Variants in PSIP1 observed in about 807,000 individuals in gnomAD.
The protein encoded by PSIP1 is PC4 and SFRS1-interacting protein.
PSIP1 carries 19 observed loss-of-function variants against 74.7 expected under a neutral mutation model. The ratio of observed to expected loss-of-function variants is 0.25; its 90% CI spans 0.18 to 0.37. The LOEUF (loss-of-function observed/expected upper bound fraction) is 0.37, where lower values mean the gene tolerates loss of function less well. PSIP1 is among the 10% of genes least tolerant of loss of function. The probability of loss-of-function intolerance (pLI) is 1.00; values close to 1 mark genes in which losing one functional copy is unlikely to be tolerated. For synonymous variants in PSIP1, 222 were observed against 195.3 expected, an observed-to-expected ratio of 1.14 and a Z score of -1.14; for missense variants, 601 against 614.3, an observed-to-expected ratio of 0.98 and a Z score of 0.23.
chr9:15,486,337 G>C (rs1448742283), intron 5 of PSIP1, among the ~76,000 whole-genome samples: 1 of 152,136 alleles, frequency 6.6e-6, no homozygotes, highest in Non-Finnish European at 1.5e-5. Context: ...TTCTACACTA[G>C]AATTCTGAAT....
At chr9:15,501,832 T>G (rs1038904158) in intron 3 of PSIP1, among the ~76,000 whole-genome samples, 2 of 114,138 alleles carry the variant, frequency 1.8e-5, no homozygotes, top group African/African-American at 6.8e-5. Context: ...GTCCCTTATA[T>G]AAAACAGCAT....
Position 15,466,846 on chromosome 9 carries a change from T to A in PSIP1, c.1434A>T (p.Leu478=), listed in dbSNP as rs2035657658. 1 of 1,612,628 alleles carries A rather than the reference T, an allele frequency of 6.2e-7. No homozygotes were observed. The highest frequency in any genetic ancestry group is 1.7e-5 in the Admixed American group (1 of 59,674). ...LEKEQTGSKT[L]NGGSDAQDGN... ...CATCTTGAGCATCAGATCCTCCATT[T>A]AGAGTCTTTGACCCTTGCGAAGGAA... Residue 478 remains leucine (L), a synonymous_variant, in exon 15 of 16, where the codon CTA becomes CTT. Coordinates refer to ENST00000380733, the MANE Select transcript of PSIP1 (RefSeq NM_033222.5).
At chr9:15,507,592 C>A (rs1403512617) in intron 2 of PSIP1, among the ~76,000 whole-genome samples, 1 of 152,090 alleles carries the variant, frequency 6.6e-6, no homozygotes, top group East Asian at 1.9e-4. Context: ...GAGCCGAGAT[C>A]ATGCCACTGC....
intron 3 of PSIP1, among the ~76,000 whole-genome samples, chr9:15,490,485 C>G (rs543617528): frequency 2.2e-4 from 33 of 152,036 alleles, no homozygotes; most frequent in African/African-American, 8.0e-4. Context: ...GAGTTTGAGA[C>G]CAGCCTGGCC....
intron 3 of PSIP1, among the ~76,000 whole-genome samples, chr9:15,503,367 A>T (rs551866125): frequency 6.8e-6 from 1 of 146,898 alleles, no homozygotes; most frequent in African/African-American, 2.4e-5. Flanking sequence ...CTCCATCACA[A>T]AAAATAAAAA....
chr9:15,468,585 A>G, intron 14 of PSIP1, 45 bp downstream of exon 14: 1 of 1,578,054 alleles, frequency 6.3e-7, no homozygotes, highest in East Asian at 2.2e-5. Flanking sequence ...GTCCTGGCAA[A>G]TGGTTTAAAA....
chr9:15,472,235 TG>T, intron 10 of PSIP1: 1 of 990,894 alleles, frequency 1.0e-6, no homozygotes, highest in Non-Finnish European at 1.2e-6. Context: ...GTCTTTAGGG[TG>T]AGGCCTGCTT....
rs956847517 is a variant in PSIP1 at position 15,479,594 on chromosome 9, C to G, written c.550G>C (p.Ala184Pro). 1.3e-6 allele frequency: 2 copies of G among 1,596,700 alleles called. No homozygotes were observed. The highest frequency in any genetic ancestry group is 2.7e-5 in the African/African-American group (2 of 74,052). Reference protein sequence around the residue: ...LKVSPKRGRPAATEVKIPKPR... With the variant: ...LKVSPKRGRPPATEVKIPKPR... ...ATTTAAACATCAGTAATCCTACCTG[C>G]AGGTCGTCCTCTTTTAGGACTCACT... Residue 184 changes from alanine to proline, a missense_variant, in exon 7 of 16, where the codon GCA becomes CCA. By Grantham distance (27) the Ala-to-Pro change is conservative (BLOSUM62 -1). Transcript: ENST00000380733.
chr9:15,466,622 C>G (rs1039409900), intron 15 of PSIP1, 126 bp downstream of exon 15: 3 of 670,528 alleles, frequency 4.5e-6, no homozygotes, highest in Non-Finnish European at 4.7e-6. Flanking sequence ...AACTTGCTTA[C>G]TGAATTCAGG....
chr9:15,500,150 T>G (rs1419017779), intron 3 of PSIP1, among the ~76,000 whole-genome samples: 2 of 152,148 alleles, frequency 1.3e-5, no homozygotes, highest in Non-Finnish European at 2.9e-5. Context: ...CACGCACTAT[T>G]TCTCATGAAC....
rs1257061082 is a variant in PSIP1, at chr9:15,464,436, C to G, written c.*1084G>C. 5.0e-6 allele frequency: 1 copy of G among 198,780 alleles called. No homozygotes were observed. The highest frequency in any genetic ancestry group is 1.0e-5 in the Non-Finnish European group (1 of 96,434). The allele number at this position is 198,780 out of a possible 1,614,324, so 12.3% of individuals were successfully genotyped here. On this transcript the variant is annotated 3_prime_UTR_variant, in exon 16 of 16. Transcript: ENST00000380733. Reference sequence around the variant, plus strand: ...GAAATGCTATCCTTTAGTTAACATACCCTTAAATTTTGTAACATTGATTTT... The same window carrying G: ...GAAATGCTATCCTTTAGTTAACATAGCCTTAAATTTTGTAACATTGATTTT...
At chr9:15,482,877 G>C (rs2036396148) in intron 6 of PSIP1, among the ~76,000 whole-genome samples, 1 of 152,116 alleles carries the variant, frequency 6.6e-6, no homozygotes, top group Admixed American at 6.5e-5. Context: ...ACTAAATGGA[G>C]TTCACCTGAA....
At chr9:15,496,971 G>A (rs974295000) in intron 3 of PSIP1, among the ~76,000 whole-genome samples, 1 of 152,156 alleles carries the variant, frequency 6.6e-6, no homozygotes, top group Non-Finnish European at 1.5e-5. Context: ...ACAATTGCTG[G>A]TGGGAATGTT....
chr9:15,485,190 T>C (rs757312766), intron 6 of PSIP1, among the ~76,000 whole-genome samples: 1 of 152,192 alleles, frequency 6.6e-6, no homozygotes, highest in Non-Finnish European at 1.5e-5. Context: ...TCAGGTTTTT[T>C]TGGTACCCAT....
intron 8 of PSIP1, among the ~76,000 whole-genome samples, chr9:15,477,475 A>G (rs1489776422): frequency 1.3e-5 from 2 of 152,176 alleles, no homozygotes; most frequent in Non-Finnish European, 2.9e-5. Context: ...AAACATACCA[A>G]TTCTCTAATA....
chr9:15,505,333 A>G (rs2037537919), intron 3 of PSIP1: 1 of 152,124 alleles, frequency 6.6e-6, no homozygotes, highest in Non-Finnish European at 1.5e-5. Context: ...ACACTGCACC[A>G]TTTTCCATTA....
chr9:15,477,709 G>A (rs1183930127), intron 8 of PSIP1, among the ~76,000 whole-genome samples: 1 of 151,860 alleles, frequency 6.6e-6, no homozygotes, highest in Non-Finnish European at 1.5e-5. Context: ...AGGGAAAAAT[G>A]CAAAAAACCA....
chr9:15,489,679 T>G (rs1439520593), intron 4 of PSIP1, among the ~76,000 whole-genome samples: 1 of 151,022 alleles, frequency 6.6e-6, no homozygotes, highest in Non-Finnish European at 1.5e-5. Flanking sequence ...GCATACACCA[T>G]GTAAGTCGCA....
At chr9:15,478,108 C>A (rs1467169211) in intron 8 of PSIP1, among the ~76,000 whole-genome samples, 2 of 130,852 alleles carry the variant, frequency 1.5e-5, no homozygotes, top group Non-Finnish European at 3.1e-5. Flanking sequence ...GCCTGGGCGA[C>A]AGAGTGAAAC....
Sources: allele counts gnomAD v4.1 joint callset (sites outside exome capture counted in the v4.1 genomes callset), GRCh38; gene constraint gnomAD v4.1.1; transcripts MANE v1.5; gene names NCBI Gene and HGNC (gene_info 2026-07-23, HGNC 2026-07-21).